The following NUBPL variants were observed in gnomAD, a reference collection of about 807,000 sequenced individuals.
NUBPL encodes the protein NUBP iron-sulfur cluster assembly factor, mitochondrial.
A neutral mutation model predicts 45.7 loss-of-function variants in NUBPL; 31 were observed. That is an observed-to-expected ratio of 0.68 (90% CI 0.51 to 0.92). The LOEUF (loss-of-function observed/expected upper bound fraction) is 0.92, where lower values mean the gene tolerates loss of function less well. Ranked by LOEUF, NUBPL falls within the 40% of genes least tolerant of loss-of-function variation. NUBPL has a pLI of 0.00. For synonymous variants in NUBPL, 144 were observed against 140.9 expected (o/e 1.02, Z -0.15); for missense variants, 401 against 398.7 (o/e 1.01, Z -0.05).
chr14:31,846,888 G>A (rs2040461937), intron 9 of NUBPL, among the ~76,000 whole-genome samples: 1 of 152,008 alleles, frequency 6.6e-6, no homozygotes, highest in South Asian at 2.1e-4. Flanking sequence ...CCCTGGAGGC[G>A]GAGCTTGCAG....
At chr14:31,703,116 G>A (rs2037374253) in intron 6 of NUBPL, 1 of 152,154 alleles carries the variant, frequency 6.6e-6, no homozygotes, top group African/African-American at 2.4e-5. Flanking sequence ...TCTTTTTGCA[G>A]GAGGAGAAGT....
chr14:31,640,732 G>T (rs1002521303), intron 4 of NUBPL, among the ~76,000 whole-genome samples: 62 of 151,452 alleles, frequency 4.1e-4, no homozygotes, highest in Admixed American at 2.6e-3. Context: ...TACATAATAC[G>T]TGTGCATATT....
chr14:31,576,519 A>C (rs1037287369), intron 3 of NUBPL, among the ~76,000 whole-genome samples: 2 of 152,098 alleles, frequency 1.3e-5, no homozygotes, highest in African/African-American at 4.8e-5. Context: ...CTTTAGCCTC[A>C]CAAAGTGCTG....
intron 3 of NUBPL, among the ~76,000 whole-genome samples, chr14:31,576,156 C>G (rs1324973616): frequency 3.9e-5 from 6 of 152,188 alleles, no homozygotes; most frequent in African/African-American, 1.4e-4. Context: ...TCTACACACA[C>G]ACTTTCATAT....
intron 6 of NUBPL, among the ~76,000 whole-genome samples, chr14:31,706,196 G>T (rs2037448044): frequency 6.6e-6 from 1 of 152,152 alleles, no homozygotes; most frequent in Admixed American, 6.5e-5. Flanking sequence ...TGGGAATTTG[G>T]CCGATGACCA....
rs2033298948 is a variant in NUBPL at position 31,562,065 on chromosome 14, A to T, written c.109-3A>T. On this transcript the variant is annotated splice_polypyrimidine_tract_variant and splice_region_variant and intron_variant, in intron 1 of 10. Coordinates refer to ENST00000281081, the MANE Select transcript of NUBPL (RefSeq NM_025152.3). ...GGCTTTTTATTATTATTATTTTTTA[A>T]AGTTGTCTGGCGCCGGGAGTGAGAC... is the stretch of plus-strand genomic sequence containing the variant. 1 of 1,575,320 alleles carries T rather than the reference A, an allele frequency of 6.3e-7. No individual in the cohort carries two copies. Among genetic ancestry groups the T allele is most frequent in the Non-Finnish European group, 8.6e-7 (1 of 1,160,056 alleles).
At chr14:31,831,463 T>TATACC (rs1566587826) in intron 8 of NUBPL, among the ~76,000 whole-genome samples, 1 of 56,302 alleles carries the variant, frequency 1.8e-5, no homozygotes, top group South Asian at 7.2e-4. Flanking sequence ...TATACTATAC[T>TATACC]GTACTATACC....
intron 6 of NUBPL, among the ~76,000 whole-genome samples, chr14:31,735,748 A>G (rs1243864508): frequency 3.3e-5 from 5 of 152,158 alleles, no homozygotes; most frequent in African/African-American, 1.2e-4. Flanking sequence ...GCTACTCGGG[A>G]GGCTGAGGCA....
intron 6 of NUBPL, among the ~76,000 whole-genome samples, chr14:31,727,920 C>T (rs1163071224): frequency 2.0e-5 from 3 of 152,104 alleles, no homozygotes; most frequent in Non-Finnish European, 4.4e-5. Flanking sequence ...TAATATACAA[C>T]ATTTGCATAT....
intron 6 of NUBPL, among the ~76,000 whole-genome samples, chr14:31,676,455 GT>G (rs879731590): frequency 1.1e-4 from 16 of 147,652 alleles, no homozygotes; most frequent in South Asian, 4.4e-4. Context: ...ATAATAAAAT[GT>G]TTTTTTTTTC....
intron 7 of NUBPL, among the ~76,000 whole-genome samples, chr14:31,809,713 T>C (rs1417183964): frequency 1.3e-5 from 2 of 152,234 alleles, no homozygotes; most frequent in African/African-American, 4.8e-5. Context: ...GATGTTAGGG[T>C]GTCAATTTTA....
chr14:31,839,143 T>C lies in NUBPL; in HGVS notation c.694-7328T>C, dbSNP rs116630205. On this transcript the variant is annotated intron_variant, in intron 8 of 10. Coordinates refer to ENST00000281081, the MANE Select transcript of NUBPL (RefSeq NM_025152.3). ...TGTTTTGGTTTTTTGTTCTTATTGC[T>C]TTATTACCATTCTTCTCATGACCAC... 8.0e-3 allele frequency among the ~76,000 whole-genome samples: 1,222 copies of C among 152,318 alleles called. 21 individuals carry two copies. The highest frequency in any genetic ancestry group is 0.027 in the African/African-American group (1,136 of 41,566).
intron 4 of NUBPL, among the ~76,000 whole-genome samples, chr14:31,665,656 G>A (rs1401708663): frequency 1.3e-5 from 2 of 152,108 alleles, no homozygotes; most frequent in African/African-American, 2.4e-5. Flanking sequence ...CCAATTATGT[G>A]GTCAGTTTTA....
intron 7 of NUBPL, among the ~76,000 whole-genome samples, chr14:31,802,748 G>C (rs2039617254): frequency 6.6e-6 from 1 of 152,130 alleles, no homozygotes; most frequent in African/African-American, 2.4e-5. Flanking sequence ...AATGAAATAA[G>C]ACAATTGATA....
intron 3 of NUBPL, among the ~76,000 whole-genome samples, chr14:31,581,230 A>G (rs2033856025): frequency 7.0e-6 from 1 of 143,010 alleles, no homozygotes; most frequent in Non-Finnish European, 1.5e-5. Flanking sequence ...TTGGTATGGT[A>G]AAATATGCAT....
At chr14:31,609,033 A>G (rs1314570666) in intron 4 of NUBPL, among the ~76,000 whole-genome samples, 2 of 152,208 alleles carry the variant, frequency 1.3e-5, no homozygotes, top group Non-Finnish European at 2.9e-5. Flanking sequence ...AGAAGACCAC[A>G]AAACAACCAG....
intron 10 of NUBPL, among the ~76,000 whole-genome samples, chr14:31,854,464 C>G (rs1280893935): frequency 6.6e-6 from 1 of 152,208 alleles, no homozygotes; most frequent in Non-Finnish European, 1.5e-5. Flanking sequence ...GAACAGTGCC[C>G]AAAGGACATG....
chr14:31,799,303 T>C (rs1008265662), intron 7 of NUBPL, among the ~76,000 whole-genome samples: 2 of 152,120 alleles, frequency 1.3e-5, no homozygotes, highest in Non-Finnish European at 2.9e-5. Context: ...GGATGGAATA[T>C]TTACATTCAT....
intron 3 of NUBPL, among the ~76,000 whole-genome samples, chr14:31,592,209 A>G (rs141304816): frequency 3.5e-4 from 53 of 152,342 alleles, no homozygotes; most frequent in African/African-American, 1.2e-3. Context: ...TGCCTAGTAT[A>G]CCATGCAAGG....
Sources: gnomAD v4.1 joint callset for allele counts (sites outside exome capture counted in the v4.1 genomes callset) on GRCh38, gnomAD v4.1.1 for gene constraint, MANE v1.5 for transcripts, NCBI Gene and HGNC (gene_info 2026-07-23, HGNC 2026-07-21) for gene names.